KCNQ3: variants seen among roughly 807,000 people sequenced by gnomAD.
KCNQ3 encodes potassium voltage-gated channel subfamily KQT member 3.
Under a neutral mutation model 92.5 loss-of-function variants are expected in KCNQ3, and 30 were observed. The observed-to-expected ratio is 0.32, with a 90% confidence interval of 0.24 to 0.44. The LOEUF (loss-of-function observed/expected upper bound fraction) is 0.44. KCNQ3 is among the 20% of genes least tolerant of loss of function. KCNQ3 has a pLI of 1.00. For missense variants in KCNQ3, 913 were observed against 1,140.3 expected (o/e 0.80, Z 2.87); for synonymous variants, 450 against 468.8 (o/e 0.96, Z 0.52).
intron 1 of KCNQ3, among the ~76,000 whole-genome samples, chr8:132,303,870 A>G (rs1157282): frequency 0.78 from 116,952 of 149,544 alleles, 46,116 homozygotes; most frequent in East Asian, 0.89. Flanking sequence ...ATACACACAT[A>G]TATATACACA....
At chr8:132,316,671 C>T (rs558728203) in intron 1 of KCNQ3, among the ~76,000 whole-genome samples, 2 of 152,224 alleles carry the variant, frequency 1.3e-5, no homozygotes, top group Non-Finnish European at 2.9e-5. Flanking sequence ...AAGACATCCA[C>T]CCTCTCTGAA....
At chr8:132,386,069 G>A (rs1221210716) in intron 1 of KCNQ3, among the ~76,000 whole-genome samples, 1 of 152,018 alleles carries the variant, frequency 6.6e-6, no homozygotes, top group African/African-American at 2.4e-5. Context: ...AGACTTTCAG[G>A]GATTGCTTAT....
chr8:132,465,553 C>A (rs1316803266), intron 1 of KCNQ3, among the ~76,000 whole-genome samples: 1 of 151,718 alleles, frequency 6.6e-6, no homozygotes, highest in East Asian at 1.9e-4. Context: ...CATGGTGAAA[C>A]TCCATCTCTA....
chr8:132,190,030 G>A (rs1380288159), intron 1 of KCNQ3, among the ~76,000 whole-genome samples: 1 of 152,010 alleles, frequency 6.6e-6, no homozygotes, highest in East Asian at 1.9e-4. Context: ...AGCCTCATAA[G>A]TGACTTTGTT....
chr8:132,395,041 G>A (rs549104034), intron 1 of KCNQ3, among the ~76,000 whole-genome samples: 39 of 152,292 alleles, frequency 2.6e-4, no homozygotes, highest in Admixed American at 1.6e-3. Context: ...GCACCCAGAT[G>A]GGAGTGTAGT....
intron 1 of KCNQ3, among the ~76,000 whole-genome samples, chr8:132,247,807 A>C (rs902593554): frequency 1.3e-5 from 2 of 152,076 alleles, no homozygotes; most frequent in African/African-American, 4.8e-5. Context: ...TTAAAAAAAA[A>C]AAAAAGACAG....
intron 1 of KCNQ3, among the ~76,000 whole-genome samples, chr8:132,413,398 A>T (rs1168376482): frequency 6.6e-6 from 1 of 152,230 alleles, no homozygotes; most frequent in Non-Finnish European, 1.5e-5. Context: ...TCCTCCAGGA[A>T]GCCTTCCCTG....
chr8:132,294,577 G>A (rs1816960893), intron 1 of KCNQ3, among the ~76,000 whole-genome samples: 2 of 152,062 alleles, frequency 1.3e-5, no homozygotes, highest in Admixed American at 6.6e-5. Context: ...CTTTACCCAG[G>A]GACACAACTT....
At chr8:132,407,735 T>G (rs1343620182) in intron 1 of KCNQ3, among the ~76,000 whole-genome samples, 2 of 152,230 alleles carry the variant, frequency 1.3e-5, no homozygotes, top group African/African-American at 4.8e-5. Context: ...CTCAACTACC[T>G]GAACAGTTTG....
intron 1 of KCNQ3, among the ~76,000 whole-genome samples, chr8:132,333,934 T>C (rs1818297760): frequency 6.6e-6 from 1 of 151,972 alleles, no homozygotes; most frequent in East Asian, 2.0e-4. Flanking sequence ...GGTTTCACCA[T>C]GTTGGCCAGG....
chr8:132,147,565 A>G (rs1825491089), intron 9 of KCNQ3, among the ~76,000 whole-genome samples: 1 of 152,148 alleles, frequency 6.6e-6, no homozygotes, highest in Non-Finnish European at 1.5e-5. Flanking sequence ...TGAATGGTAG[A>G]TGAATGGATG....
chr8:132,416,250 T>C (rs1820804868), intron 1 of KCNQ3, among the ~76,000 whole-genome samples: 3 of 152,244 alleles, frequency 2.0e-5, no homozygotes, highest in Non-Finnish European at 4.4e-5. Flanking sequence ...AAACACCATC[T>C]CTCAAAATCC....
intron 1 of KCNQ3, among the ~76,000 whole-genome samples, chr8:132,272,811 G>A (rs573564502): frequency 6.6e-6 from 1 of 152,220 alleles, no homozygotes; most frequent in East Asian, 1.9e-4. Flanking sequence ...TGAGATTTGG[G>A]TGGGGAAACA....
In KCNQ3 at chr8:132,429,713, T is replaced by C. The variant is rs751080865; in HGVS notation, c.386+50434A>G. Among the ~76,000 whole-genome samples the C allele has an allele frequency of 3.6e-4, 55 of 151,794 alleles. 1 individual carries two copies. Among genetic ancestry groups the C allele is most frequent in the Non-Finnish European group, 7.4e-5 (5 of 67,946 alleles). On this transcript the variant is annotated intron_variant, in intron 1 of 14. Transcript: ENST00000388996. ...CTGTCTCTACTAAAAATACAAAAAA[T>C]TAGCCAGGCGTGGTGGCAGATGCTG...
At chr8:132,452,152 T>C (rs1821834510) in intron 1 of KCNQ3, among the ~76,000 whole-genome samples, 1 of 152,314 alleles carries the variant, frequency 6.6e-6, no homozygotes, top group Middle Eastern at 3.4e-3. Flanking sequence ...ATTAACCACA[T>C]TCGCATCGTT....
At position 132,163,618 on chromosome 8, in the gene KCNQ3, G is replaced by T. The variant is rs1258212404; in HGVS notation, c.1236-124C>A. On this transcript the variant is annotated intron_variant, in intron 8 of 14. Coordinates refer to ENST00000388996, the MANE Select transcript of KCNQ3 (RefSeq NM_004519.4). Reference sequence around the variant, plus strand: ...GGAGCAGAGTTGAGCTCTAGGACAGGATGGTCAGTGTGGAGGGAACCAATG... The same window carrying T: ...GGAGCAGAGTTGAGCTCTAGGACAGTATGGTCAGTGTGGAGGGAACCAATG... 3.5e-6 allele frequency: 3 copies of T among 862,204 alleles called. No individual in the cohort carries two copies. The Admixed American group carries it at 5.8e-5, about 17-fold the overall frequency. 53.4% of individuals were successfully genotyped at this position (862,204 alleles called of 1,614,324 possible). A position where few individuals can be genotyped will look rare whatever the true frequency, so the allele number is the denominator to read the frequency against.
intron 1 of KCNQ3, among the ~76,000 whole-genome samples, chr8:132,439,370 A>T (rs1053336432): frequency 6.6e-6 from 1 of 152,124 alleles, no homozygotes; most frequent in African/African-American, 2.4e-5. Flanking sequence ...GCAGTTAGGC[A>T]GCAGGACCGC....
At chr8:132,353,422 A>C (rs1818932474) in intron 1 of KCNQ3, among the ~76,000 whole-genome samples, 2 of 152,172 alleles carry the variant, frequency 1.3e-5, no homozygotes, top group African/African-American at 4.8e-5. Flanking sequence ...AAACGGTCAA[A>C]ACTGGGAAGT....
At position 132,167,388 on chromosome 8, in the gene KCNQ3, C is replaced by A. The variant is rs572415482; in HGVS notation, c.1235+2946G>T. ...CCCACTTTGTGAATATACTCAAAACCACTGAACTGTTCACTTTAAAAGGGT... is the reference window on the plus strand; with the variant it reads ...CCCACTTTGTGAATATACTCAAAACAACTGAACTGTTCACTTTAAAAGGGT... On this transcript the variant is annotated intron_variant, in intron 8 of 14. Coordinates refer to ENST00000388996, the MANE Select transcript of KCNQ3 (RefSeq NM_004519.4). Among the ~76,000 whole-genome samples the A allele has an allele frequency of 3.3e-5, 5 of 152,226 alleles. No homozygotes were observed. The East Asian group carries it at 7.7e-4, about 24-fold the overall frequency.
Sources: gnomAD v4.1 joint callset for allele counts (sites outside exome capture counted in the v4.1 genomes callset) on GRCh38, gnomAD v4.1.1 for gene constraint, MANE v1.5 for transcripts, NCBI Gene and HGNC (gene_info 2026-07-23, HGNC 2026-07-21) for gene names.